SORCS1: variants seen among roughly 807,000 people sequenced by gnomAD.
SORCS1 encodes the protein sortilin related VPS10 domain containing receptor 1.
In SORCS1, 60 loss-of-function variants were observed where a neutral mutation model predicts 146.1. That is an observed-to-expected ratio of 0.41 (90% CI 0.33 to 0.51). SORCS1 has a LOEUF of 0.51. Among genes scored for constraint, SORCS1 ranks in the 20% least tolerant of loss-of-function variants. SORCS1 has a pLI of 0.21. For missense variants in SORCS1, 1,352 were observed against 1,487.6 expected, an observed-to-expected ratio of 0.91 and a Z score of 1.50; for synonymous variants, 637 against 584.0, an observed-to-expected ratio of 1.09 and a Z score of -1.31.
rs535018031 is a variant in SORCS1, at chr10:106,699,205, G to A, written c.1413+9C>T. 1.1e-5 allele frequency: 17 copies of A among 1,603,074 alleles called. No homozygotes were observed. Among genetic ancestry groups the A allele is most frequent in the Admixed American group, 6.8e-5 (4 of 58,862 alleles). Reference sequence around the variant, plus strand: ...TGTGGCTTAGGACCACATATGCCTCGTGACATACCTCATAGAGGTCGATCA... The same window carrying A: ...TGTGGCTTAGGACCACATATGCCTCATGACATACCTCATAGAGGTCGATCA... On this transcript the variant is annotated intron_variant, in intron 9 of 25. Coordinates refer to ENST00000263054, the MANE Select transcript of SORCS1 (RefSeq NM_052918.5).
chr10:106,626,900 C>A lies in SORCS1; in HGVS notation c.2662+2302G>T, dbSNP rs558481322. On this transcript the variant is annotated intron_variant, in intron 19 of 25. Transcript: ENST00000263054. ...ATTATATGAGGCATGCTTATCCAAC[C>A]ACTTAACCCAAGATGAGTCTACAAA... Among the ~76,000 whole-genome samples, 200 of 152,304 alleles carry A rather than the reference C, an allele frequency of 1.3e-3. 3 individuals carry two copies. The highest frequency in any genetic ancestry group is 4.6e-3 in the African/African-American group (193 of 41,580).
chr10:107,022,635 A>C (rs1458093164), intron 1 of SORCS1, among the ~76,000 whole-genome samples: 3 of 152,156 alleles, frequency 2.0e-5, no homozygotes, highest in Non-Finnish European at 4.4e-5. Context: ...GAGCAGTACC[A>C]AACAAGTGAC....
At chr10:107,146,333 T>C (rs1310091705) in intron 1 of SORCS1, among the ~76,000 whole-genome samples, 3 of 152,140 alleles carry the variant, frequency 2.0e-5, no homozygotes, top group Admixed American at 6.5e-5. Flanking sequence ...ACTCCACCTA[T>C]TGCCTAAAAA....
rs186227218 is a variant in SORCS1, at chr10:106,763,931, T to C, written c.886-2270A>G. Reference sequence around the variant, plus strand: ...ATGTTGGAAATCCTATCCTTCTACGTGTACGGGTGCCTCAAACACAGTAGA... The same window carrying C: ...ATGTTGGAAATCCTATCCTTCTACGCGTACGGGTGCCTCAAACACAGTAGA... On this transcript the variant is annotated intron_variant, in intron 4 of 25. Coordinates refer to ENST00000263054, the MANE Select transcript of SORCS1 (RefSeq NM_052918.5). Among the ~76,000 whole-genome samples the C allele has an allele frequency of 1.5e-3, 232 of 152,334 alleles. 1 individual carries two copies. The highest frequency in any genetic ancestry group is 1.9e-3 in the Non-Finnish European group (132 of 68,032).
At chr10:106,851,030 G>A (rs1293773706) in intron 2 of SORCS1, among the ~76,000 whole-genome samples, 1 of 152,114 alleles carries the variant, frequency 6.6e-6, no homozygotes, top group Non-Finnish European at 1.5e-5. Context: ...TATCTCCACT[G>A]CCACTACCTT....
chr10:107,145,541 GAAAT>G (rs1379614009), intron 1 of SORCS1, among the ~76,000 whole-genome samples: 1 of 152,078 alleles, frequency 6.6e-6, no homozygotes, highest in African/African-American at 2.4e-5. Flanking sequence ...TTTTAAGAAA[GAAAT>G]AAAATAGAAT....
intron 18 of SORCS1, among the ~76,000 whole-genome samples, chr10:106,636,501 C>G (rs1848731601): frequency 6.6e-6 from 1 of 152,088 alleles, no homozygotes; most frequent in Admixed American, 6.6e-5. Context: ...CTCCACATGG[C>G]TAGGGAAGGC....
chr10:106,870,139 G>A (rs1730991238), intron 2 of SORCS1, among the ~76,000 whole-genome samples: 1 of 152,002 alleles, frequency 6.6e-6, no homozygotes, highest in African/African-American at 2.4e-5. Context: ...TAACCAAGGT[G>A]GTGAAATATT....
At chr10:106,959,978 A>G (rs1955144708) in intron 1 of SORCS1, among the ~76,000 whole-genome samples, 1 of 152,204 alleles carries the variant, frequency 6.6e-6, no homozygotes, top group Non-Finnish European at 1.5e-5. Context: ...GAACACATAT[A>G]CATCTCAAAA....
At chr10:106,724,367 C>T (rs1170559741) in intron 6 of SORCS1, among the ~76,000 whole-genome samples, 3 of 151,952 alleles carry the variant, frequency 2.0e-5, no homozygotes, top group Middle Eastern at 3.4e-3. Context: ...ATTAGCTGGG[C>T]GTGGTGGTGT....
chr10:106,838,409 AC>A (rs1948876615), intron 2 of SORCS1, among the ~76,000 whole-genome samples: 1 of 152,190 alleles, frequency 6.6e-6, no homozygotes, highest in South Asian at 2.1e-4. Context: ...TACATTTGTT[AC>A]AATCAAAGAA....
chr10:107,123,391 C>T (rs1966515758), intron 1 of SORCS1, among the ~76,000 whole-genome samples: 1 of 152,256 alleles, frequency 6.6e-6, no homozygotes, highest in South Asian at 2.1e-4. Flanking sequence ...AATGTTAATT[C>T]TTGAAAGTAA....
intron 1 of SORCS1, among the ~76,000 whole-genome samples, chr10:107,006,484 AG>A (rs774672348): frequency 1.1e-4 from 17 of 152,252 alleles, no homozygotes; most frequent in Non-Finnish European, 2.4e-4. Context: ...TCTTTCTGGA[AG>A]GCAAAAGAAA....
intron 2 of SORCS1, among the ~76,000 whole-genome samples, chr10:106,849,319 G>A (rs945571465): frequency 1.1e-4 from 17 of 150,036 alleles, no homozygotes; most frequent in East Asian, 5.9e-4. Flanking sequence ...TTCCCTTCTC[G>A]CTTCACTTCA....
rs1300214827 is a variant in SORCS1, at chr10:106,577,093, G to C, written c.*327C>G. On this transcript the variant is annotated 3_prime_UTR_variant, in exon 26 of 26. Transcript: ENST00000263054. Reference sequence around the variant, plus strand: ...CACAGGCTTAAAGCTAAAAACCCTTGTTGTCTGTGTCTGAAGAATTAAAAA... The same window carrying C: ...CACAGGCTTAAAGCTAAAAACCCTTCTTGTCTGTGTCTGAAGAATTAAAAA... 1 of 755,946 alleles carries C rather than the reference G, an allele frequency of 1.3e-6. No homozygotes were observed. The highest frequency in any genetic ancestry group is 5.9e-5 in the East Asian group (1 of 16,948). The allele number at this position is 755,946 out of a possible 1,614,324, so 46.8% of individuals were successfully genotyped here.
At chr10:107,004,862 T>G (rs980138913) in intron 1 of SORCS1, among the ~76,000 whole-genome samples, 2 of 152,128 alleles carry the variant, frequency 1.3e-5, no homozygotes, top group East Asian at 1.9e-4. Context: ...TATGTGTGTG[T>G]GGGTGGGTGG....
intron 2 of SORCS1, among the ~76,000 whole-genome samples, chr10:106,914,705 A>C (rs1463806071): frequency 2.0e-5 from 3 of 152,198 alleles, no homozygotes; most frequent in Non-Finnish European, 4.4e-5. Flanking sequence ...CGAATTATCC[A>C]ATTAGCTCAT....
rs1174124124 is a variant in SORCS1, at chr10:106,804,185, T to C, written c.726+25389A>G. On this transcript the variant is annotated intron_variant, in intron 3 of 25. Coordinates refer to ENST00000263054, the MANE Select transcript of SORCS1 (RefSeq NM_052918.5). ...ATTATCAAAAATGAGGAGAGTGTGC[T>C]TGGGGACAAATATGGCTACTTGCCA... Among the ~76,000 whole-genome samples the C allele has an allele frequency of 1.3e-5, 2 of 152,066 alleles. 1 individual carries two copies. Among genetic ancestry groups the C allele is most frequent in the Admixed American group, 1.3e-4 (2 of 15,262 alleles).
intron 13 of SORCS1, among the ~76,000 whole-genome samples, chr10:106,676,576 T>A (rs1472785226): frequency 6.6e-6 from 1 of 152,138 alleles, no homozygotes; most frequent in Non-Finnish European, 1.5e-5. Flanking sequence ...AGGGTGAAAG[T>A]ATTATCACAT....
Sources: gnomAD v4.1 joint callset for allele counts (sites outside exome capture counted in the v4.1 genomes callset) on GRCh38, gnomAD v4.1.1 for gene constraint, MANE v1.5 for transcripts, NCBI Gene and HGNC (gene_info 2026-07-23, HGNC 2026-07-21) for gene names.